ARPP21: variants seen among roughly 807,000 people sequenced by gnomAD.
ARPP21 encodes cAMP regulated phosphoprotein 21, also known as cAMP-regulated phosphoprotein 21.
Under a neutral mutation model 113.2 loss-of-function variants are expected in ARPP21, and 69 were observed. The ratio of observed to expected loss-of-function variants is 0.61; its 90% CI spans 0.50 to 0.74. The LOEUF (loss-of-function observed/expected upper bound fraction) is 0.74. ARPP21 is among the 30% of genes least tolerant of loss of function. The pLI, the probability that ARPP21 is intolerant of heterozygous loss-of-function variation, is 0.00. For synonymous variants in ARPP21, 368 were observed against 375.5 expected (o/e 0.98, Z 0.23); for missense variants, 1,070 against 1,037.4 (o/e 1.03, Z -0.43).
intron 1 of ARPP21, among the ~76,000 whole-genome samples, chr3:35,666,645 ACTT>A (rs140503800): frequency 0.016 from 2,400 of 152,240 alleles, 59 homozygotes; most frequent in African/African-American, 0.054. Flanking sequence ...TATTAAATGT[ACTT>A]CTTCTTAATT....
At chr3:35,788,765 A>G (rs1029476052) in intron 19 of ARPP21, among the ~76,000 whole-genome samples, 1 of 152,234 alleles carries the variant, frequency 6.6e-6, no homozygotes, top group Non-Finnish European at 1.5e-5. Context: ...CTACATGAAG[A>G]TAAATGTTTT....
At chr3:35,645,783 T>A (rs1699985763) in intron 1 of ARPP21, among the ~76,000 whole-genome samples, 1 of 151,944 alleles carries the variant, frequency 6.6e-6, no homozygotes, top group African/African-American at 2.4e-5. Context: ...AGAGAAGTGG[T>A]TTTCATATAC....
chr3:35,661,371 C>T (rs1053567858), intron 1 of ARPP21, among the ~76,000 whole-genome samples: 1 of 141,640 alleles, frequency 7.1e-6, no homozygotes, highest in African/African-American at 2.5e-5. Flanking sequence ...GGAGAAATGG[C>T]AAACAATGGG....
At chr3:35,714,655 T>C (rs539306196) in intron 11 of ARPP21, among the ~76,000 whole-genome samples, 1 of 152,334 alleles carries the variant, frequency 6.6e-6, no homozygotes, top group South Asian at 2.1e-4. Context: ...TTCTCTTTTG[T>C]ATTTGTTTAA....
chr3:35,677,372 G>T (rs2077787682), intron 1 of ARPP21, among the ~76,000 whole-genome samples: 1 of 151,692 alleles, frequency 6.6e-6, no homozygotes, highest in African/African-American at 2.4e-5. Flanking sequence ...TTTGCATTTT[G>T]CCTTTGTTCT....
At chr3:35,674,220 T>G (rs9311104) in intron 1 of ARPP21, among the ~76,000 whole-genome samples, 82,831 of 151,682 alleles carry the variant, frequency 0.55, 22,783 homozygotes, top group South Asian at 0.6. Flanking sequence ...AAATAGTACT[T>G]CTTGATATAG....
rs1213124483 is a variant in ARPP21, at chr3:35,770,933, A to T, written c.2138-21449A>T. Among the ~76,000 whole-genome samples, 4 of 152,204 alleles carry T rather than the reference A, an allele frequency of 2.6e-5. No homozygotes were observed. The South Asian group carries it at 6.2e-4, about 24-fold the overall frequency. ...AAGGAGGATCCAGGATTTTCAAAGT[A>T]AAGCAGGACAATACTCATCAATATT... On this transcript the variant is annotated intron_variant, in intron 19 of 20. Transcript: ENST00000684406.
chr3:35,717,147 G>A (rs1576241991), intron 12 of ARPP21, 151 bp from the exon 13 acceptor site: 1 of 533,972 alleles, frequency 1.9e-6, no homozygotes, highest in East Asian at 2.9e-5. Context: ...TATCCTATGG[G>A]CATTAATTTA....
intron 15 of ARPP21, among the ~76,000 whole-genome samples, chr3:35,735,300 A>T (rs1391257510): frequency 1.3e-5 from 2 of 151,824 alleles, no homozygotes; most frequent in Non-Finnish European, 2.9e-5. Flanking sequence ...TTTTTTAGAG[A>T]CAGAGTTTTG....
chr3:35,773,314 CATTA>C (rs2151559973), intron 19 of ARPP21, among the ~76,000 whole-genome samples: 1 of 152,174 alleles, frequency 6.6e-6, no homozygotes, highest in Non-Finnish European at 1.5e-5. Flanking sequence ...AGATTGATAT[CATTA>C]ATTGTGTCAC....
chr3:35,751,062 C>G (rs928791353), intron 19 of ARPP21, among the ~76,000 whole-genome samples: 1 of 152,076 alleles, frequency 6.6e-6, no homozygotes, highest in Non-Finnish European at 1.5e-5. Context: ...CCAGGAGGGT[C>G]TATATTCTTG....
chr3:35,773,336 A>G (rs935674680), intron 19 of ARPP21, among the ~76,000 whole-genome samples: 1 of 152,064 alleles, frequency 6.6e-6, no homozygotes, highest in Admixed American at 6.6e-5. Context: ...CACCTTCCCT[A>G]TTTTACAGAT....
chr3:35,769,302 T>C (rs2096107584), intron 19 of ARPP21, among the ~76,000 whole-genome samples: 1 of 152,284 alleles, frequency 6.6e-6, no homozygotes, highest in Admixed American at 6.5e-5. Context: ...ACCCTTTTAT[T>C]TGAGTGACTA....
At chr3:35,662,070 CTG>C (rs1432635365) in intron 1 of ARPP21, among the ~76,000 whole-genome samples, 1 of 152,022 alleles carries the variant, frequency 6.6e-6, no homozygotes, top group Non-Finnish European at 1.5e-5. Flanking sequence ...ATAGTGGCCT[CTG>C]AGAGTTAAAG....
At chr3:35,710,613 A>G (rs1044034062) in intron 11 of ARPP21, among the ~76,000 whole-genome samples, 1 of 151,440 alleles carries the variant, frequency 6.6e-6, no homozygotes, top group Non-Finnish European at 1.5e-5. Flanking sequence ...TGGTCCTGGC[A>G]GGTCAAGTAA....
chr3:35,677,507 A>G (rs1485501324), intron 1 of ARPP21, among the ~76,000 whole-genome samples: 2 of 151,976 alleles, frequency 1.3e-5, no homozygotes, highest in East Asian at 3.9e-4. Context: ...TCTTCATGGT[A>G]AATAGTTTAC....
At chr3:35,789,265 A>G (rs1234220190) in intron 19 of ARPP21, among the ~76,000 whole-genome samples, 1 of 152,186 alleles carries the variant, frequency 6.6e-6, no homozygotes, top group Non-Finnish European at 1.5e-5. Context: ...CCAGGCAGGC[A>G]CTGTCGGTTC....
chr3:35,638,933 G>C (rs1044687590), upstream of ARPP21: 2 of 152,428 alleles, frequency 1.3e-5, no homozygotes, highest in African/African-American at 4.8e-5. Flanking sequence ...ATTATTGTGG[G>C]ATTGTCTCTG....
rs2094424637 is a variant in ARPP21, at chr3:35,737,420, TC to T, written c.1644+60del. ...GTACCCTGAGATGAAGGCTACATAG[TC>T]CTCAGAGCAGCAGAGAATCAGGGAG... On this transcript the variant is annotated intron_variant, in intron 16 of 20. Transcript: ENST00000684406. 18 of 1,156,464 alleles carry T rather than the reference TC, an allele frequency of 1.6e-5. No individual in the cohort carries two copies. In the South Asian group the frequency reaches 2.7e-4, roughly 17 times the overall value. 71.6% of individuals were successfully genotyped at this position (1,156,464 alleles called of 1,614,324 possible). A position where few individuals can be genotyped will look rare whatever the true frequency, so the allele number is the denominator to read the frequency against.
Sources: allele counts gnomAD v4.1 joint callset (sites outside exome capture counted in the v4.1 genomes callset), GRCh38; gene constraint gnomAD v4.1.1; transcripts MANE v1.5; gene names NCBI Gene and HGNC (gene_info 2026-07-23, HGNC 2026-07-21).